The following DPP10 variants were observed in gnomAD, a reference collection of about 807,000 sequenced individuals.
The protein encoded by DPP10 is inactive dipeptidyl peptidase 10.
A neutral mutation model predicts 120.9 loss-of-function variants in DPP10; 33 were observed. The observed-to-expected ratio is 0.27, with a 90% CI of 0.21 to 0.37. The LOEUF (loss-of-function observed/expected upper bound fraction) is 0.37. Among genes scored for constraint, DPP10 ranks in the 10% least tolerant of loss-of-function variants. DPP10 has a pLI of 1.00. For synonymous variants in DPP10, 337 were observed against 326.1 expected, an observed-to-expected ratio of 1.03 and a Z score of -0.36; for missense variants, 816 against 942.8, an observed-to-expected ratio of 0.87 and a Z score of 1.76.
chr2:115,658,445 T>A (rs2088601313), intron 5 of DPP10, among the ~76,000 whole-genome samples: 1 of 152,122 alleles, frequency 6.6e-6, no homozygotes, highest in Non-Finnish European at 1.5e-5. Flanking sequence ...TTTTTATATT[T>A]ATTTTAGTTT....
At chr2:114,801,717 A>T (rs577428128) in intron 1 of DPP10, among the ~76,000 whole-genome samples, 1 of 152,180 alleles carries the variant, frequency 6.6e-6, no homozygotes, top group Admixed American at 6.5e-5. Context: ...CAAGGGATGG[A>T]TGTTATTTGC....
chr2:114,657,594 G>A (rs753575544), intron 1 of DPP10, among the ~76,000 whole-genome samples: 7 of 152,014 alleles, frequency 4.6e-5, no homozygotes, highest in Non-Finnish European at 8.8e-5. Flanking sequence ...TCGTGAGAAG[G>A]CAAGATGTAA....
intron 3 of DPP10, among the ~76,000 whole-genome samples, chr2:115,479,680 G>A (rs908549152): frequency 8.6e-5 from 13 of 151,874 alleles, no homozygotes; most frequent in African/African-American, 3.1e-4. Context: ...GATAAAATAT[G>A]GTCTCCCATA....
intron 1 of DPP10, among the ~76,000 whole-genome samples, chr2:115,258,102 T>C (rs1360834137): frequency 6.6e-6 from 1 of 152,220 alleles, no homozygotes; most frequent in East Asian, 1.9e-4. Context: ...TATTTATTGA[T>C]GCTAAAAGCA....
chr2:115,087,445 T>G (rs1341647956), intron 1 of DPP10, among the ~76,000 whole-genome samples: 1 of 152,120 alleles, frequency 6.6e-6, no homozygotes, highest in Non-Finnish European at 1.5e-5. Flanking sequence ...AACCACAGAT[T>G]GCTGGCCCCA....
intron 5 of DPP10, among the ~76,000 whole-genome samples, chr2:115,613,711 A>G (rs1323144017): frequency 6.6e-6 from 1 of 152,222 alleles, no homozygotes; most frequent in Non-Finnish European, 1.5e-5. Flanking sequence ...TAGAGTAAAT[A>G]TGTTACTGTC....
chr2:114,928,243 CT>C (rs1297993838), intron 1 of DPP10, among the ~76,000 whole-genome samples: 3 of 152,214 alleles, frequency 2.0e-5, no homozygotes, highest in African/African-American at 7.2e-5. Context: ...TCACCTGAGA[CT>C]CAAGACAAGT....
At chr2:114,853,329 A>C (rs187015843) in intron 1 of DPP10, among the ~76,000 whole-genome samples, 1 of 152,288 alleles carries the variant, frequency 6.6e-6, no homozygotes, top group Admixed American at 6.5e-5. Context: ...TTTTTTTATA[A>C]GTAAAGCTGG....
At chr2:114,991,871 C>A (rs1032582593) in intron 1 of DPP10, among the ~76,000 whole-genome samples, 1 of 152,072 alleles carries the variant, frequency 6.6e-6, no homozygotes, top group Non-Finnish European at 1.5e-5. Context: ...ATGCTCATGT[C>A]CAGGCAAGTC....
chr2:114,468,687 T>C lies in DPP10; in HGVS notation c.60+25849T>C, dbSNP rs1410125423. On this transcript the variant is annotated intron_variant, in intron 1 of 25. Coordinates refer to ENST00000410059, the MANE Select transcript of DPP10 (RefSeq NM_020868.6). ...TAATTAAATAAAAGAAAAAGTAAAATTGAATGAGAACTTTAAACTGCATCT... is the reference window on the plus strand; with the variant it reads ...TAATTAAATAAAAGAAAAAGTAAAACTGAATGAGAACTTTAAACTGCATCT... 2.6e-5 allele frequency among the ~76,000 whole-genome samples: 4 copies of C among 151,952 alleles called. No homozygotes were observed. The East Asian group carries it at 7.7e-4, about 29-fold the overall frequency.
intron 5 of DPP10, among the ~76,000 whole-genome samples, chr2:115,536,769 C>T (rs2078872642): frequency 6.6e-6 from 1 of 151,982 alleles, no homozygotes. Flanking sequence ...CCTTCTTACA[C>T]TGAAAGCTCT....
intron 1 of DPP10, among the ~76,000 whole-genome samples, chr2:115,011,418 A>G (rs532646320): frequency 1.4e-4 from 22 of 152,258 alleles, no homozygotes; most frequent in African/African-American, 5.3e-4. Context: ...TCTCATTGCA[A>G]TTCTATCATT....
intron 1 of DPP10, among the ~76,000 whole-genome samples, chr2:114,823,118 A>T (rs1686234228): frequency 6.6e-6 from 1 of 152,166 alleles, no homozygotes. Context: ...CACATTGCTA[A>T]TAAAGACATA....
At chr2:115,171,370 AAAAAGAAAAG>A (rs1289814987) in intron 1 of DPP10, among the ~76,000 whole-genome samples, 8 of 144,934 alleles carry the variant, frequency 5.5e-5, no homozygotes, top group South Asian at 2.1e-4. Flanking sequence ...AAAAAAAAAA[AAAAAGAAAAG>A]AAAAGAAAAG....
At chr2:115,220,355 A>G (rs1376314656) in intron 1 of DPP10, among the ~76,000 whole-genome samples, 1 of 152,116 alleles carries the variant, frequency 6.6e-6, no homozygotes, top group African/African-American at 2.4e-5. Context: ...CCAATTAGTT[A>G]CCTCGTGTAG....
intron 5 of DPP10, among the ~76,000 whole-genome samples, chr2:115,559,594 T>TAAATAATAGAATAGAA (rs1181514420): frequency 6.6e-6 from 1 of 152,160 alleles, no homozygotes; most frequent in Non-Finnish European, 1.5e-5. Context: ...GAATAGAACA[T>TAAATAATAGAATAGAA]TAGACTTCAG....
intron 11 of DPP10, among the ~76,000 whole-genome samples, chr2:115,754,403 A>G (rs115632155): frequency 3.9e-5 from 6 of 152,284 alleles, no homozygotes; most frequent in African/African-American, 1.2e-4. Flanking sequence ...AAGCAAATGA[A>G]GAATCTGCAA....
chr2:115,433,613 C>T (rs1574832723), intron 3 of DPP10, among the ~76,000 whole-genome samples: 2 of 151,918 alleles, frequency 1.3e-5, no homozygotes, highest in East Asian at 3.9e-4. Flanking sequence ...AAATGTTTAA[C>T]ACTCTCTTGA....
chr2:114,492,702 T>C (rs1682113397), intron 1 of DPP10, among the ~76,000 whole-genome samples: 3 of 152,230 alleles, frequency 2.0e-5, no homozygotes, highest in South Asian at 4.1e-4. Flanking sequence ...CAATTCATTA[T>C]ATCAAATTGG....
Sources: allele counts gnomAD v4.1 joint callset (sites outside exome capture counted in the v4.1 genomes callset), GRCh38; gene constraint gnomAD v4.1.1; transcripts MANE v1.5; gene names NCBI Gene and HGNC (gene_info 2026-07-23, HGNC 2026-07-21).